Variants in LAMB1 observed in about 807,000 individuals in gnomAD.
LAMB1 encodes the protein laminin subunit beta 1, also known as laminin subunit beta-1.
In LAMB1, 121 loss-of-function variants were observed where a neutral mutation model predicts 222.3. The ratio of observed to expected loss-of-function variants is 0.54; its 90% CI spans 0.47 to 0.63. LAMB1 has a LOEUF of 0.63. Ranked by LOEUF, LAMB1 falls within the 30% of genes least tolerant of loss-of-function variation. LAMB1 has a pLI of 0.00. For synonymous variants in LAMB1, 794 were observed against 807.2 expected (o/e 0.98, Z 0.28); for missense variants, 2,172 against 2,240.8 (o/e 0.97, Z 0.62).
rs958292321 is a variant in LAMB1, at chr7:107,951,173, C to A, written c.3391+53G>T. ...AATTTACAGAAGGCTCTTGTAGAAC[C>A]CCAGTTCCCTCCACTCTCTGATCAA... is the stretch of plus-strand genomic sequence containing the variant. On this transcript the variant is annotated intron_variant, in intron 24 of 33. Coordinates refer to ENST00000222399, the MANE Select transcript of LAMB1 (RefSeq NM_002291.3). 17 of 1,352,932 alleles carry A rather than the reference C, an allele frequency of 1.3e-5. No individual in the cohort carries two copies. The African/African-American group carries it at 2.3e-4, about 18-fold the overall frequency. 83.8% of individuals were successfully genotyped at this position (1,352,932 alleles called of 1,614,324 possible).
intron 24 of LAMB1, among the ~76,000 whole-genome samples, chr7:107,940,840 A>G (rs561235559): frequency 3.9e-5 from 6 of 152,264 alleles, no homozygotes; most frequent in African/African-American, 1.4e-4. Flanking sequence ...TGTACAAACA[A>G]TCCAGGTTAC....
chr7:107,926,199 G>A lies in LAMB1; in HGVS notation c.5048C>T (p.Ala1683Val), dbSNP rs2032559795. Residue 1683 changes from alanine (A) to valine (V), a missense_variant, in exon 32 of 34, where the codon GCA (alanine) becomes GTA (valine). Ala to Val is a moderately conservative substitution (Grantham distance 64). Transcript: ENST00000222399. ...TTTACGTACCTTCTTAACATCTTCTGCACTTTGCTTCACAGTATATACTAC... is the reference window on the plus strand; with the variant it reads ...TTTACGTACCTTCTTAACATCTTCTACACTTTGCTTCACAGTATATACTAC... ...EKVVYTVKQS[A>V]EDVKKTLDGE... is the part of the protein sequence containing the mutation. 1 of 1,613,266 alleles carries A rather than the reference G, an allele frequency of 6.2e-7. No homozygotes were observed. Among genetic ancestry groups the A allele is most frequent in the Non-Finnish European group, 8.5e-7 (1 of 1,179,350 alleles).
At chr7:107,993,087 AG>A (rs2034216203) in intron 5 of LAMB1, among the ~76,000 whole-genome samples, 1 of 152,182 alleles carries the variant, frequency 6.6e-6, no homozygotes, top group Non-Finnish European at 1.5e-5. Flanking sequence ...CACTGGAGCT[AG>A]GACCCGAAGG....
intron 28 of LAMB1, 128 bp downstream of exon 28, chr7:107,932,046 A>G: frequency 2.3e-6 from 2 of 859,324 alleles, no homozygotes; most frequent in Non-Finnish European, 3.8e-6. Flanking sequence ...ATGAACTTTC[A>G]TATTTGATTG....
At position 107,994,973 on chromosome 7, in the gene LAMB1, T is replaced by A. The variant is rs1563009983; in HGVS notation, c.350-13A>T. The A allele has an allele frequency of 5.7e-6, 8 of 1,408,814 alleles. No homozygotes were observed. Among genetic ancestry groups the A allele is most frequent in the African/African-American group, 2.9e-5 (2 of 70,084 alleles). 87.3% of individuals were successfully genotyped at this position (1,408,814 alleles called of 1,614,324 possible). A position where few individuals can be genotyped will look rare whatever the true frequency, so the allele number is the denominator to read the frequency against. The stretch of plus-strand genomic sequence containing the variant: ...ACATTTTCCACACCTACAGGAGATT[T>A]AAAAAAAATAAAACAATAAATGAAA... On this transcript the variant is annotated splice_polypyrimidine_tract_variant and intron_variant, in intron 4 of 33. Transcript: ENST00000222399.
At chr7:107,985,768 A>C (rs1035597094) in intron 7 of LAMB1, among the ~76,000 whole-genome samples, 2 of 151,500 alleles carry the variant, frequency 1.3e-5, no homozygotes, top group Non-Finnish European at 2.9e-5. Flanking sequence ...GACTAGCCTG[A>C]CCAACATGGA....
At chr7:107,975,170 T>C in intron 11 of LAMB1, 64 bp downstream of exon 11, 1 of 1,571,942 alleles carries the variant, frequency 6.4e-7, no homozygotes, top group Non-Finnish European at 8.7e-7. Flanking sequence ...GCTTTGGAAT[T>C]ACAAAGTAAA....
At position 107,998,510 on chromosome 7, in the gene LAMB1, T is replaced by C; in HGVS notation, c.214-18A>G. 1 of 1,610,662 alleles carries C rather than the reference T, an allele frequency of 6.2e-7. No individual in the cohort carries two copies. Among genetic ancestry groups the C allele is most frequent in the Non-Finnish European group, 8.5e-7 (1 of 1,177,896 alleles). ...TTGTCCTCCTACAAACAAAGTTGAG[T>C]TCATCAGTCTAGAAAGCAATCTCAT... On this transcript the variant is annotated intron_variant, in intron 3 of 33. Coordinates refer to ENST00000222399, the MANE Select transcript of LAMB1 (RefSeq NM_002291.3).
intron 7 of LAMB1, 78 bp from the exon 8 acceptor site, chr7:107,980,889 T>G (rs2033959423): frequency 2.4e-6 from 2 of 846,350 alleles, no homozygotes; most frequent in Non-Finnish European, 3.8e-6. Flanking sequence ...CATCATTTCT[T>G]TTTAGAGAAA....
intron 25 of LAMB1, among the ~76,000 whole-genome samples, chr7:107,937,840 A>AT (rs1238794871): frequency 6.6e-6 from 1 of 152,062 alleles, no homozygotes; most frequent in Non-Finnish European, 1.5e-5. Flanking sequence ...CAGCCTTTTT[A>AT]TTTTTTATAA....
intron 31 of LAMB1, 134 bp from the exon 32 acceptor site, chr7:107,926,493 A>G (rs746833991): frequency 4.6e-6 from 3 of 645,906 alleles, no homozygotes; most frequent in Admixed American, 3.0e-5. Flanking sequence ...ACTAAAAAGA[A>G]TATTTCAGGA....
chr7:107,990,228 A>G (rs890463238), intron 5 of LAMB1, among the ~76,000 whole-genome samples: 3 of 151,992 alleles, frequency 2.0e-5, no homozygotes, highest in African/African-American at 7.2e-5. Context: ...TTGTAGAGAC[A>G]GGGTCTTGCT....
At chr7:107,990,783 A>G (rs1447476441) in intron 5 of LAMB1, among the ~76,000 whole-genome samples, 1 of 152,230 alleles carries the variant, frequency 6.6e-6, no homozygotes, top group Non-Finnish European at 1.5e-5. Flanking sequence ...TTAACAGCAG[A>G]GAGTATCAGA....
intron 24 of LAMB1, among the ~76,000 whole-genome samples, chr7:107,950,087 G>A (rs947885322): frequency 6.6e-6 from 1 of 152,078 alleles, no homozygotes; most frequent in African/African-American, 2.4e-5. Flanking sequence ...AAAATTAGCC[G>A]GGCGTGGTGG....
At chr7:107,968,490 G>A (rs911562765) in intron 13 of LAMB1, among the ~76,000 whole-genome samples, 5 of 152,204 alleles carry the variant, frequency 3.3e-5, no homozygotes, top group African/African-American at 1.2e-4. Flanking sequence ...TAAGGGTAAG[G>A]ACATCAAGAT....
At position 107,924,091 on chromosome 7, in the gene LAMB1, TGG is replaced by T. The variant is rs79073119; in HGVS notation, c.5225-6_5225-5del. Reference sequence around the variant, plus strand: ...TCTTCATATTTTCTTTCTAAATCTGTGGGGAGATATATATATATAAAGTCTGA... The same window carrying T: ...TCTTCATATTTTCTTTCTAAATCTGTGGAGATATATATATATAAAGTCTGA... On this transcript the variant is annotated splice_polypyrimidine_tract_variant and splice_region_variant and intron_variant, in intron 33 of 33. Coordinates refer to ENST00000222399, the MANE Select transcript of LAMB1 (RefSeq NM_002291.3). 8,606 of 1,367,722 alleles carry T rather than the reference TGG, an allele frequency of 6.3e-3. 53 individuals carry two copies. Among genetic ancestry groups the T allele is most frequent in the African/African-American group, 0.041 (2,337 of 56,800 alleles). The allele number at this position is 1,367,722 out of a possible 1,614,324, so 84.7% of individuals were successfully genotyped here.
chr7:107,953,934 G>A (rs1315433996), intron 21 of LAMB1, among the ~76,000 whole-genome samples, 180 bp from the exon 22 acceptor site: 1 of 152,132 alleles, frequency 6.6e-6, no homozygotes. Context: ...GTTGTGAGAG[G>A]AAGGCAGTAT....
In LAMB1 at chr7:107,972,301, G is replaced by C. The variant is rs150351708; in HGVS notation, c.1562+691C>G. On this transcript the variant is annotated intron_variant, in intron 13 of 33. Transcript: ENST00000222399. ...ACATGAAGCTTGCTCAATGAATTCA[G>C]AGTGTTCTCTCTGGGAAGACTCAAG... Among the ~76,000 whole-genome samples the C allele has an allele frequency of 5.0e-3, 759 of 152,286 alleles. 3 individuals are homozygous for C. Among genetic ancestry groups the C allele is most frequent in the Middle Eastern group, 0.014 (4 of 294 alleles).
intron 31 of LAMB1, among the ~76,000 whole-genome samples, chr7:107,927,592 A>G (rs1415805505): frequency 6.6e-6 from 1 of 152,208 alleles, no homozygotes; most frequent in Non-Finnish European, 1.5e-5. Flanking sequence ...GGCTGGGACT[A>G]CAGGCACACA....
Sources: gnomAD v4.1 joint callset for allele counts (sites outside exome capture counted in the v4.1 genomes callset) on GRCh38, gnomAD v4.1.1 for gene constraint, MANE v1.5 for transcripts, NCBI Gene and HGNC (gene_info 2026-07-23, HGNC 2026-07-21) for gene names.